TATDN3: variants seen among roughly 807,000 people sequenced by gnomAD.
The protein encoded by TATDN3 is TatD DNase domain containing 3, also known as deoxyribonuclease TATDN3.
Under a neutral mutation model 40.1 loss-of-function variants are expected in TATDN3, and 29 were observed. The ratio of observed to expected loss-of-function variants is 0.72; its 90% CI spans 0.54 to 0.99. The LOEUF is 0.99. TATDN3 is among the 50% of genes least tolerant of loss of function. TATDN3 has a pLI of 0.00. For synonymous variants in TATDN3, 105 were observed against 117.0 expected, an observed-to-expected ratio of 0.90 and a Z score of 0.66; for missense variants, 309 against 321.9, an observed-to-expected ratio of 0.96 and a Z score of 0.31.
chr1:212,804,634 ACCTTT>A lies in TATDN3; in HGVS notation c.471_475del (p.Leu158ThrfsTer6). 1 of 1,613,464 alleles carries A rather than the reference ACCTTT, an allele frequency of 6.2e-7. No individual in the cohort carries two copies. ...CGCTCTGCTGGAAGACCTACCATCA[ACCTTT>A]TACAAGAGCAAGGTATTTCGTTTCC... On this transcript the variant is annotated frameshift_variant, in exon 7 of 10. Coordinates refer to ENST00000366974, the MANE Select transcript of TATDN3 (RefSeq NM_001042552.3). LOFTEE classifies it high-confidence loss of function.
intron 7 of TATDN3, among the ~76,000 whole-genome samples, chr1:212,806,868 ACATATATACATATG>A: frequency 1.0e-5 from 1 of 95,618 alleles, no homozygotes; most frequent in Admixed American, 9.3e-5. Context: ...ATGTATATAC[ACATATATACATATG>A]TATATACACA....
chr1:212,794,340 C>CA (rs1423867016), intron 1 of TATDN3, among the ~76,000 whole-genome samples: 2 of 151,832 alleles, frequency 1.3e-5, no homozygotes, highest in Non-Finnish European at 2.9e-5. Flanking sequence ...CCTGTAGTCC[C>CA]AGCACTTTGG....
At chr1:212,796,353 C>CA (rs1251989116) in intron 2 of TATDN3, among the ~76,000 whole-genome samples, 164 bp from the exon 3 acceptor site, 1 of 152,176 alleles carries the variant, frequency 6.6e-6, no homozygotes. Flanking sequence ...ATTCACTGAA[C>CA]ATAAGGTCTG....
chr1:212,806,558 G>T (rs944688612), intron 7 of TATDN3, among the ~76,000 whole-genome samples: 1 of 149,328 alleles, frequency 6.7e-6, no homozygotes, highest in Non-Finnish European at 1.5e-5. Flanking sequence ...TGTATTTTTC[G>T]TAGAAACTGG....
intron 4 of TATDN3, 179 bp downstream of exon 4, chr1:212,797,375 A>T (rs1352618624): frequency 1.7e-6 from 1 of 574,650 alleles, no homozygotes; most frequent in Non-Finnish European, 3.1e-6. Context: ...AAGTAGAAAC[A>T]GCCTAGAGGT....
Position 212,806,878 on chromosome 1 carries a change from ATATG to A in TATDN3, c.488-854_488-851del, listed in dbSNP as rs371189651. 4.0e-4 allele frequency among the ~76,000 whole-genome samples: 37 copies of A among 93,606 alleles called. 2 individuals carry two copies. The highest frequency in any genetic ancestry group is 1.5e-3 in the African/African-American group (29 of 19,918). The allele number at this position is 93,606 out of a possible 152,430, so 61.4% of individuals were successfully genotyped here. ...TACATATGTATATACACATATATAC[ATATG>A]TATATACACATATATACATATGTAT... On this transcript the variant is annotated intron_variant, in intron 7 of 9. Transcript: ENST00000366974.
intron 8 of TATDN3, among the ~76,000 whole-genome samples, chr1:212,809,808 G>A (rs1157338698): frequency 2.0e-5 from 3 of 152,120 alleles, no homozygotes; most frequent in African/African-American, 7.2e-5. Flanking sequence ...CAGTTCACCT[G>A]AGGTTAGGAG....
At chr1:212,795,041 A>C in intron 1 of TATDN3, 54 bp from the exon 2 acceptor site, 1 of 1,425,156 alleles carries the variant, frequency 7.0e-7, no homozygotes, top group Non-Finnish European at 9.9e-7. Flanking sequence ...TATACAGTCC[A>C]AGATTAGCTG....
chr1:212,796,159 A>G (rs973632495), intron 2 of TATDN3, among the ~76,000 whole-genome samples: 1 of 152,252 alleles, frequency 6.6e-6, no homozygotes, highest in Non-Finnish European at 1.5e-5. Context: ...AAATGGTTGT[A>G]GTGCATTTTT....
chr1:212,805,954 ATTGGTTGTGCTTATGAAACTAAACTAAG>A (rs1381049805), intron 7 of TATDN3, among the ~76,000 whole-genome samples: 1 of 152,208 alleles, frequency 6.6e-6, no homozygotes, highest in South Asian at 2.1e-4. Flanking sequence ...ATAAGCACTC[ATTGGTTGTGCTTATGAAACTAAACTAAG>A]TTGGTTTCAT....
chr1:212,807,878 A>G (rs1662637094), intron 8 of TATDN3, 30 bp downstream of exon 8: 1 of 1,392,694 alleles, frequency 7.2e-7, no homozygotes, highest in South Asian at 1.2e-5. Context: ...CTCATCTAAT[A>G]CTTATGAAAT....
Position 212,815,106 on chromosome 1 carries a change from C to T in TATDN3, c.775C>T (p.Gln259Ter), listed in dbSNP as rs1234789469. ...GGAAGAAGTTATAGAAGTGACGACA[C>T]AGAATGCATTAAAACTGTTTCCTAA... is the stretch of plus-strand genomic sequence containing the variant. ...SVEEVIEVTT[Q>*]NALKLFPKLR... Residue 259 changes from glutamine (Q) to a stop codon, truncating the protein, a stop_gained, in exon 10 of 10, where the codon CAG (glutamine) becomes TAG (stop). Coordinates refer to ENST00000366974, the MANE Select transcript of TATDN3 (RefSeq NM_001042552.3). LOFTEE classifies it high-confidence loss of function. 1.9e-6 allele frequency: 3 copies of T among 1,614,028 alleles called. No homozygotes were observed. Among genetic ancestry groups the T allele is most frequent in the Non-Finnish European group, 2.5e-6 (3 of 1,179,996 alleles).
Position 212,811,157 on chromosome 1 carries a change from A to AT in TATDN3, c.601-1081dup, listed in dbSNP as rs375691803. On this transcript the variant is annotated intron_variant, in intron 8 of 9. Transcript: ENST00000366974. ...ACCACAATGCCTGGCTAATTTTTGT[A>AT]TTTTTTTTTTCCACTCTGGCTAGGC... Among the ~76,000 whole-genome samples the AT allele has an allele frequency of 6.9e-4, 102 of 147,984 alleles. 1 individual carries two copies. Among genetic ancestry groups the AT allele is most frequent in the South Asian group, 4.3e-4 (2 of 4,680 alleles).
chr1:212,798,258 G>A (rs182349928), intron 4 of TATDN3, among the ~76,000 whole-genome samples: 4 of 152,020 alleles, frequency 2.6e-5, no homozygotes, highest in Admixed American at 2.0e-4. Flanking sequence ...CCCAGGAGGC[G>A]AAGATTGTAG....
chr1:212,793,553 G>A (rs1039825375), intron 1 of TATDN3, among the ~76,000 whole-genome samples: 8 of 152,192 alleles, frequency 5.3e-5, no homozygotes, highest in African/African-American at 1.9e-4. Context: ...TGGCAAATGG[G>A]TGGAGGAGAA....
At chr1:212,812,190 A>T (rs780965955) in intron 8 of TATDN3, 58 bp from the exon 9 acceptor site, 24 of 1,111,534 alleles carry the variant, frequency 2.2e-5, no homozygotes, top group Non-Finnish European at 3.1e-5. Context: ...TGTCAATTTA[A>T]TGCTCTTTAT....
At chr1:212,805,099 T>A (rs1571963440) in intron 7 of TATDN3, among the ~76,000 whole-genome samples, 1 of 151,750 alleles carries the variant, frequency 6.6e-6, no homozygotes, top group East Asian at 1.9e-4. Flanking sequence ...GTAGCTGAGA[T>A]TACAGGCACC....
rs3738799 is a variant in TATDN3 at position 212,791,895 on chromosome 1, G to C, written c.-27G>C. Reference sequence around the variant, plus strand: ...GTTCCGGCTCCGGCTCTGCTGGCCGGTCTAAAGCGGCAGCCGCCGGGGCGC... The same window carrying C: ...GTTCCGGCTCCGGCTCTGCTGGCCGCTCTAAAGCGGCAGCCGCCGGGGCGC... On this transcript the variant is annotated 5_prime_UTR_variant, in exon 1 of 10. Coordinates refer to ENST00000366974, the MANE Select transcript of TATDN3 (RefSeq NM_001042552.3). The C allele has an allele frequency of 0.031, 50,025 of 1,612,394 alleles. 924 individuals carry two copies. The highest frequency in any genetic ancestry group is 0.044 in the South Asian group (3,983 of 90,862).
chr1:212,797,127 C>T lies in TATDN3; in HGVS notation c.189C>T (p.Val63=), dbSNP rs1444991556. 1.2e-6 allele frequency: 2 copies of T among 1,614,034 alleles called. No individual in the cohort carries two copies. The highest frequency in any genetic ancestry group is 8.5e-7 in the Non-Finnish European group (1 of 1,179,940). ...ACATTTTTAGGTATAATGGGTTTGTCCTGCCATGCTTGGGTGTTCATCCAG... is the reference window on the plus strand; with the variant it reads ...ACATTTTTAGGTATAATGGGTTTGTTCTGCCATGCTTGGGTGTTCATCCAG... The part of the protein sequence containing the change: ...MQLSERYNGF[V]LPCLGVHPVQ... Residue 63 remains valine, a synonymous_variant, in exon 4 of 10, where the codon GTC becomes GTT. Transcript: ENST00000366974.
Sources: gnomAD v4.1 joint callset for allele counts (sites outside exome capture counted in the v4.1 genomes callset) on GRCh38, gnomAD v4.1.1 for gene constraint, MANE v1.5 for transcripts, NCBI Gene and HGNC (gene_info 2026-07-23, HGNC 2026-07-21) for gene names.